TRPM1: variants seen among roughly 807,000 people sequenced by gnomAD.
TRPM1 encodes the protein TRPM1-203 APA Isoform, Intron 10.
TRPM1 carries 113 observed loss-of-function variants against 149.4 expected under a neutral mutation model. The ratio of observed to expected loss-of-function variants is 0.76; its 90% CI spans 0.65 to 0.88. TRPM1 has a LOEUF of 0.88. Ranked by LOEUF, TRPM1 falls within the 40% of genes least tolerant of loss-of-function variation. The pLI is 0.00. For missense variants in TRPM1, 1,976 were observed against 2,038.7 expected, an observed-to-expected ratio of 0.97 and a Z score of 0.59; for synonymous variants, 741 against 759.5, an observed-to-expected ratio of 0.98 and a Z score of 0.40.
chr15:31,027,598 G>GT (rs2032841225), intron 25 of TRPM1, among the ~76,000 whole-genome samples: 1 of 152,204 alleles, frequency 6.6e-6, no homozygotes, highest in South Asian at 2.1e-4. Flanking sequence ...ACAGGAAGCA[G>GT]TAAGTGCATG....
intron 27 of TRPM1, among the ~76,000 whole-genome samples, chr15:31,018,338 A>G (rs1175629618): frequency 6.6e-6 from 1 of 151,316 alleles, no homozygotes; most frequent in East Asian, 2.0e-4. Context: ...GGCGTGAGCC[A>G]CCACACTTGG....
rs752745878 is a variant in TRPM1 at position 31,027,016 on chromosome 15, G to C, written c.3395C>G (p.Pro1132Arg). The change falls in exon 26 of 28, where the codon CCG becomes CGG. Residue 1132 changes from proline (P) to arginine (R), a missense_variant. Transcript: ENST00000256552. ...TFHDRPVLPP[P>R]MIILSHIYII... is the part of the protein sequence containing the mutation. ...GTAGATGTGGCTTAAAATGATCATC[G>C]GTGGGGGCAGGACTGGCCTGTCATG... is the stretch of plus-strand genomic sequence containing the variant. The C allele has an allele frequency of 9.3e-6, 15 of 1,614,030 alleles. No homozygotes were observed. Among genetic ancestry groups the C allele is most frequent in the Non-Finnish European group, 1.0e-5 (12 of 1,180,036 alleles).
In TRPM1 at chr15:31,018,592, C is replaced by G. The variant is rs1315536888; in HGVS notation, c.3629+7547G>C. 1.3e-5 allele frequency among the ~76,000 whole-genome samples: 2 copies of G among 152,276 alleles called. 1 individual carries two copies. Among genetic ancestry groups the G allele is most frequent in the South Asian group, 4.1e-4 (2 of 4,826 alleles). On this transcript the variant is annotated intron_variant, in intron 27 of 27. Coordinates refer to ENST00000256552, the MANE Select transcript of TRPM1 (RefSeq NM_001252024.2). Reference sequence around the variant, plus strand: ...TTCACCATGTTGGTCAGGCTGCTCTCTAACTCCTGACCTCAGGTGATCCAC... The same window carrying G: ...TTCACCATGTTGGTCAGGCTGCTCTGTAACTCCTGACCTCAGGTGATCCAC...
At chr15:31,015,916 C>A (rs2032341137) in intron 27 of TRPM1, among the ~76,000 whole-genome samples, 1 of 152,062 alleles carries the variant, frequency 6.6e-6, no homozygotes, top group African/African-American at 2.4e-5. Context: ...CCTCAAGGAC[C>A]CTTTGCAAAC....
intron 27 of TRPM1, among the ~76,000 whole-genome samples, chr15:31,010,350 G>C (rs7179234): frequency 1.6e-4 from 25 of 152,184 alleles, no homozygotes; most frequent in African/African-American, 5.8e-4. Flanking sequence ...TAGCAGTCTG[G>C]TCATTACTTC....
chr15:31,026,118 C>T, intron 27 of TRPM1, 21 bp downstream of exon 27: 2 of 1,609,302 alleles, frequency 1.2e-6, no homozygotes, highest in South Asian at 1.1e-5. Flanking sequence ...CACGGGCCCG[C>T]GGTGGGGACG....
chr15:31,107,570 C>CT (rs1184008402), intron 1 of TRPM1, among the ~76,000 whole-genome samples: 1 of 151,850 alleles, frequency 6.6e-6, no homozygotes, highest in Non-Finnish European at 1.5e-5. Flanking sequence ...TATTTCCACG[C>CT]TAGTCTTATT....
At chr15:31,026,103 T>C (rs1277500685) in intron 27 of TRPM1, 36 bp downstream of exon 27, 1 of 1,607,596 alleles carries the variant, frequency 6.2e-7, no homozygotes, top group African/African-American at 1.3e-5. Context: ...AGCAAACCCT[T>C]GGCTCACGGG....
intron 23 of TRPM1, among the ~76,000 whole-genome samples, chr15:31,029,699 T>C (rs2032972647): frequency 6.6e-6 from 1 of 152,206 alleles, no homozygotes; most frequent in Non-Finnish European, 1.5e-5. Context: ...AAAGACATGA[T>C]GTTACTGGCA....
At chr15:31,071,228 TG>T (rs1346518363) in intron 3 of TRPM1, among the ~76,000 whole-genome samples, 2 of 152,166 alleles carry the variant, frequency 1.3e-5, no homozygotes, top group Non-Finnish European at 2.9e-5. Context: ...TGCAGTAGCC[TG>T]GAGTGATGCC....
intron 27 of TRPM1, among the ~76,000 whole-genome samples, chr15:31,023,715 A>C (rs1324301616): frequency 6.6e-6 from 1 of 152,210 alleles, no homozygotes; most frequent in African/African-American, 2.4e-5. Flanking sequence ...TGCCATTCAC[A>C]GAGACTGGAG....
At chr15:31,017,428 T>C (rs929429085) in intron 27 of TRPM1, among the ~76,000 whole-genome samples, 1 of 152,226 alleles carries the variant, frequency 6.6e-6, no homozygotes, top group African/African-American at 2.4e-5. Context: ...CTGATTAACA[T>C]ATGGCCAGTG....
At chr15:31,058,607 T>G (rs971060937) in intron 11 of TRPM1, among the ~76,000 whole-genome samples, 5 of 152,246 alleles carry the variant, frequency 3.3e-5, no homozygotes, top group African/African-American at 1.2e-4. Context: ...GATATGTACA[T>G]GTTCATCATG....
intron 27 of TRPM1, among the ~76,000 whole-genome samples, chr15:31,016,973 AC>A (rs2032377038): frequency 7.5e-6 from 1 of 133,258 alleles, no homozygotes; most frequent in African/African-American, 2.7e-5. Flanking sequence ...ACACACACAC[AC>A]ACACACACAC....
At chr15:31,008,927 C>T (rs143177795) in intron 27 of TRPM1, among the ~76,000 whole-genome samples, 19 of 152,268 alleles carry the variant, frequency 1.2e-4, no homozygotes, top group Middle Eastern at 3.4e-3. Context: ...TTGCTTTTGA[C>T]TGTCAAATAT....
intron 1 of TRPM1, among the ~76,000 whole-genome samples, chr15:31,095,415 T>G (rs909648395): frequency 6.6e-6 from 1 of 152,206 alleles, no homozygotes; most frequent in Non-Finnish European, 1.5e-5. Context: ...CTGGGCATGG[T>G]GGCTCATGTC....
intron 25 of TRPM1, 84 bp from the exon 26 acceptor site, chr15:31,027,201 G>T: frequency 7.7e-7 from 1 of 1,290,430 alleles, no homozygotes; most frequent in Non-Finnish European, 1.1e-6. Flanking sequence ...TCACATTTAA[G>T]TGAAAATACT....
At chr15:31,018,797 C>T (rs1417799117) in intron 27 of TRPM1, among the ~76,000 whole-genome samples, 1 of 152,268 alleles carries the variant, frequency 6.6e-6, no homozygotes. Flanking sequence ...GCTGGGATTA[C>T]TGGCATGTGC....
At chr15:31,097,685 T>C (rs17228136) in intron 1 of TRPM1, among the ~76,000 whole-genome samples, 37,923 of 151,832 alleles carry the variant, frequency 0.25, 4,905 homozygotes, top group South Asian at 0.32. Flanking sequence ...CCATTATGAA[T>C]TGAAAAAAAA....
Sources: gnomAD v4.1 joint callset for allele counts (sites outside exome capture counted in the v4.1 genomes callset) on GRCh38, gnomAD v4.1.1 for gene constraint, MANE v1.5 for transcripts, NCBI Gene and HGNC (gene_info 2026-07-23, HGNC 2026-07-21) for gene names.